Variants in MCM3AP observed in about 807,000 individuals in gnomAD.
The protein encoded by MCM3AP is minichromosome maintenance complex component 3 associated protein.
MCM3AP carries 126 observed loss-of-function variants against 184.1 expected under a neutral mutation model. The ratio of observed to expected loss-of-function variants is 0.68; its 90% CI spans 0.59 to 0.79. The LOEUF (loss-of-function observed/expected upper bound fraction) is 0.79. Among genes scored for constraint, MCM3AP ranks in the 30% least tolerant of loss-of-function variants. MCM3AP has a pLI of 0.00. For missense variants in MCM3AP, 2,496 were observed against 2,479.2 expected, an observed-to-expected ratio of 1.01 and a Z score of -0.14; for synonymous variants, 1,002 against 979.3, an observed-to-expected ratio of 1.02 and a Z score of -0.43.
intron 11 of MCM3AP, 61 bp from the exon 12 acceptor site, chr21:46,265,584 G>A (rs1408537798): frequency 3.9e-5 from 54 of 1,380,746 alleles, no homozygotes; most frequent in Non-Finnish European, 4.9e-5. Context: ...GCACCACGGG[G>A]ACCGAGGTCT....
intron 23 of MCM3AP, 153 bp downstream of exon 23, chr21:46,244,653 GA>G: frequency 1.2e-6 from 1 of 805,320 alleles, no homozygotes; most frequent in Non-Finnish European, 1.9e-6. Flanking sequence ...AGGACCAAAG[GA>G]AGGTGCAGGC....
intron 20 of MCM3AP, among the ~76,000 whole-genome samples, chr21:46,249,368 T>C (rs1193949239): frequency 6.6e-6 from 1 of 152,050 alleles, no homozygotes; most frequent in Non-Finnish European, 1.5e-5. Flanking sequence ...TTGTATTTTT[T>C]ATAGAGACAG....
At chr21:46,285,977 C>T (rs2145736583), upstream of MCM3AP, 1 of 152,428 alleles carries the variant, frequency 6.6e-6, no homozygotes, top group African/African-American at 2.4e-5. Context: ...CAGCCCGAAA[C>T]GGCGGAGGCC....
At position 46,283,786 on chromosome 21, in the gene MCM3AP, G is replaced by T; in HGVS notation, c.1272C>A (p.Asp424Glu). The change falls in exon 2 of 28, where the codon GAC becomes GAA. Residue 424 changes from aspartate to glutamate, a missense_variant. Physicochemically the swap from Asp to Glu is conservative, Grantham distance 45. Around this residue, in one of 5 missense-constraint regions of MCM3AP, gnomAD observed 800 missense variants for 717.1 expected, o/e 1.12. Coordinates refer to ENST00000291688, the MANE Select transcript of MCM3AP (RefSeq NM_003906.5). ...CAGAGGGAGACAAGCCCCCAAGACT[G>T]TCTGTGCTCTCGCTTCTGTTACTCT... The part of the protein sequence containing the change: ...ARQSNRSEST[D>E]SLGGLSPSEV... 5.0e-6 allele frequency: 8 copies of T among 1,614,154 alleles called. No individual in the cohort carries two copies. Among genetic ancestry groups the T allele is most frequent in the Non-Finnish European group, 5.9e-6 (7 of 1,180,036 alleles).
At chr21:46,246,556 C>G in intron 21 of MCM3AP, 72 bp downstream of exon 21, 3 of 1,581,950 alleles carry the variant, frequency 1.9e-6, no homozygotes, top group Non-Finnish European at 2.6e-6. Flanking sequence ...ACTACTGGAC[C>G]ATCCTCAGAC....
At chr21:46,261,009 C>T (rs2081034292) in intron 14 of MCM3AP, 103 bp from the exon 15 acceptor site, 1 of 986,032 alleles carries the variant, frequency 1.0e-6, no homozygotes, top group Non-Finnish European at 1.6e-6. Flanking sequence ...AGGTGTGCTG[C>T]CTGAGTCGGT....
rs2081272915 is a variant in MCM3AP, at chr21:46,277,659, CAA to C, written c.1724_1725del (p.Phe575Ter). On this transcript the variant is annotated frameshift_variant, in exon 5 of 28. Coordinates refer to ENST00000291688, the MANE Select transcript of MCM3AP (RefSeq NM_003906.5). LOFTEE classifies it high-confidence loss of function. ...CCCTCGGAGCCCTCGGAGGCTGAGT[CAA>C]AAGAGTCTCCCTCGAATTGGTGGGC... is the stretch of plus-strand genomic sequence containing the variant. ...LKAHQFEGDS[F>X]DSASEGSEGL... 1 of 1,609,278 alleles carries C rather than the reference CAA, an allele frequency of 6.2e-7. No individual in the cohort carries two copies. Among genetic ancestry groups the C allele is most frequent in the Non-Finnish European group, 8.5e-7 (1 of 1,177,748 alleles).
chr21:46,264,121 G>A lies in MCM3AP; in HGVS notation c.3331C>T (p.Leu1111=), dbSNP rs1569069790. The part of the protein sequence containing the change: ...SAGAAYAAAA[L]GVSNAAMEDL... ...GGAGCACGAGATGCCACTCACCCCA[G>A]GGCGGCAGCTGCGTAGGCAGCACCC... Residue 1111 remains leucine, a synonymous_variant, in exon 13 of 28, where the codon CTG becomes TTG. Transcript: ENST00000291688. 1 of 1,612,176 alleles carries A rather than the reference G, an allele frequency of 6.2e-7. No homozygotes were observed. Among genetic ancestry groups the A allele is most frequent in the Non-Finnish European group, 8.5e-7 (1 of 1,178,496 alleles).
At chr21:46,276,386 C>T (rs1166876969) in intron 5 of MCM3AP, among the ~76,000 whole-genome samples, 1 of 151,804 alleles carries the variant, frequency 6.6e-6, no homozygotes, top group African/African-American at 2.4e-5. Flanking sequence ...ATTAAGGAAA[C>T]ATGGTGATTA....
At chr21:46,272,469 C>G in intron 8 of MCM3AP, 92 bp downstream of exon 8, 4 of 1,286,404 alleles carry the variant, frequency 3.1e-6, no homozygotes, top group Non-Finnish European at 2.2e-6. Context: ...GAATGCTGCA[C>G]TATTGGCTAC....
intron 6 of MCM3AP, among the ~76,000 whole-genome samples, chr21:46,274,557 A>G (rs2081230920): frequency 1.3e-5 from 2 of 152,220 alleles, no homozygotes; most frequent in South Asian, 4.1e-4. Context: ...TTTAAGTGGA[A>G]AAGATACACA....
intron 13 of MCM3AP, among the ~76,000 whole-genome samples, chr21:46,263,393 T>C (rs909202034): frequency 6.6e-6 from 1 of 151,756 alleles, no homozygotes; most frequent in Non-Finnish European, 1.5e-5. Context: ...ACTTTATACG[T>C]TGAAAACTAC....
Position 46,244,831 on chromosome 21 carries a change from G to A in MCM3AP, c.5014C>T (p.Gln1672Ter). 1 of 1,613,876 alleles carries A rather than the reference G, an allele frequency of 6.2e-7. No individual in the cohort carries two copies. Among genetic ancestry groups the A allele is most frequent in the Non-Finnish European group, 8.5e-7 (1 of 1,179,834 alleles). Residue 1672 changes from glutamine to a stop codon, truncating the protein, a stop_gained, in exon 23 of 28, where the codon CAG becomes TAG. Coordinates refer to ENST00000291688, the MANE Select transcript of MCM3AP (RefSeq NM_003906.5). LOFTEE classifies it high-confidence loss of function. ...KQAVLGFQLP[Q>*]MDLPPLGAPW... Reference sequence around the variant, plus strand: ...CCCCCCAGGGGTGGAAGGTCCATCTGCGGAAGCTGGAACCCGAGCACAGCC... The same window carrying A: ...CCCCCCAGGGGTGGAAGGTCCATCTACGGAAGCTGGAACCCGAGCACAGCC...
intron 17 of MCM3AP, among the ~76,000 whole-genome samples, chr21:46,255,805 C>T (rs989028216): frequency 6.6e-6 from 1 of 151,638 alleles, no homozygotes; most frequent in Non-Finnish European, 1.5e-5. Flanking sequence ...GTGGAGGGCT[C>T]AGACAAGGAG....
intron 12 of MCM3AP, among the ~76,000 whole-genome samples, chr21:46,264,465 C>T (rs2081081469): frequency 6.6e-6 from 1 of 152,174 alleles, no homozygotes; most frequent in South Asian, 2.1e-4. Context: ...CGTCAAGCAG[C>T]CTCTGTTTCT....
chr21:46,270,581 G>A lies in MCM3AP; in HGVS notation c.2466-18C>T. On this transcript the variant is annotated intron_variant, in intron 8 of 27. Transcript: ENST00000291688. ...GTACTTCTCTGTTAATTAAAGGAGA[G>A]AAAAGGGGTTGGAATGTTATTTTAA... The A allele has an allele frequency of 6.4e-7, 1 of 1,571,310 alleles. No homozygotes were observed. Among genetic ancestry groups the A allele is most frequent in the South Asian group, 1.2e-5 (1 of 83,614 alleles).
intron 2 of MCM3AP, among the ~76,000 whole-genome samples, chr21:46,281,136 A>G (rs1393856761): frequency 6.6e-6 from 1 of 152,154 alleles, no homozygotes. Context: ...TTTGCTTCAT[A>G]GAACTCACAA....
chr21:46,266,946 A>G (rs2081119824), intron 10 of MCM3AP, 36 bp downstream of exon 10: 1 of 1,609,196 alleles, frequency 6.2e-7, no homozygotes, highest in African/African-American at 1.3e-5. Context: ...AGAAAAAAGG[A>G]GACAGGGGCC....
intron 10 of MCM3AP, chr21:46,266,525 T>A: frequency 4.4e-6 from 1 of 228,684 alleles, no homozygotes; most frequent in Non-Finnish European, 8.5e-6. Context: ...GGAGACAGGG[T>A]GGGGAACTAG....
Sources: allele counts gnomAD v4.1 joint callset (sites outside exome capture counted in the v4.1 genomes callset), GRCh38; gene constraint gnomAD v4.1.1; regional missense constraint gnomAD v4.1.1; transcripts MANE v1.5; gene names NCBI Gene and HGNC (gene_info 2026-07-23, HGNC 2026-07-21).